Variants in KIF26B observed in about 807,000 individuals in gnomAD.
KIF26B encodes kinesin family member 26B.
A neutral mutation model predicts 151.2 loss-of-function variants in KIF26B; 63 were observed. That is an observed-to-expected ratio of 0.42 (90% CI 0.34 to 0.51). The LOEUF is 0.51. Among genes scored for constraint, KIF26B ranks in the 20% least tolerant of loss-of-function variants. KIF26B has a pLI of 0.07. For synonymous variants in KIF26B, 1,357 were observed against 1,262.1 expected, an observed-to-expected ratio of 1.08 and a Z score of -1.59; for missense variants, 2,813 against 2,913.6, an observed-to-expected ratio of 0.97 and a Z score of 0.79.
intron 9 of KIF26B, among the ~76,000 whole-genome samples, chr1:245,636,366 C>CT (rs2043834195): frequency 1.3e-5 from 2 of 149,446 alleles, no homozygotes; most frequent in African/African-American, 4.9e-5. Context: ...TTTTTTGACT[C>CT]TAACAACATT....
chr1:245,393,161 ACT>A (rs956556238), intron 3 of KIF26B, among the ~76,000 whole-genome samples: 2 of 152,016 alleles, frequency 1.3e-5, no homozygotes, highest in African/African-American at 2.4e-5. Context: ...ACAGAGTGAA[ACT>A]CTGTCTTAAA....
At chr1:245,296,443 C>T (rs1043168879) in intron 2 of KIF26B, among the ~76,000 whole-genome samples, 2 of 151,998 alleles carry the variant, frequency 1.3e-5, no homozygotes, top group Non-Finnish European at 2.9e-5. Flanking sequence ...GGGTCGTAAT[C>T]TGAGTGGGGA....
intron 2 of KIF26B, among the ~76,000 whole-genome samples, chr1:245,349,137 C>T (rs543797507): frequency 5.3e-5 from 8 of 152,000 alleles, no homozygotes; most frequent in East Asian, 1.9e-4. Flanking sequence ...AATAGGTGCT[C>T]GATAAATATT....
intron 8 of KIF26B, among the ~76,000 whole-genome samples, chr1:245,610,484 C>G (rs12087946): frequency 4.3e-4 from 65 of 152,314 alleles, no homozygotes; most frequent in African/African-American, 1.5e-3. Flanking sequence ...CCATGAGATG[C>G]TCATGCTGCC....
chr1:245,204,631 C>T (rs1669364626), intron 2 of KIF26B, among the ~76,000 whole-genome samples: 1 of 152,212 alleles, frequency 6.6e-6, no homozygotes, highest in South Asian at 2.1e-4. Flanking sequence ...GCCTTGGCCT[C>T]CTAAAGTGCT....
intron 2 of KIF26B, among the ~76,000 whole-genome samples, chr1:245,233,963 C>T (rs1670051228): frequency 6.6e-6 from 1 of 152,050 alleles, no homozygotes; most frequent in South Asian, 2.1e-4. Flanking sequence ...GGGCAGATCA[C>T]CTGAGGTCAG....
At chr1:245,354,625 C>G (rs551779622) in intron 2 of KIF26B, among the ~76,000 whole-genome samples, 1 of 152,362 alleles carries the variant, frequency 6.6e-6, no homozygotes, top group East Asian at 1.9e-4. Context: ...GTTTTCATAG[C>G]CAGGGGCACT....
intron 2 of KIF26B, among the ~76,000 whole-genome samples, chr1:245,165,682 G>GA (rs1358908448): frequency 6.6e-6 from 1 of 152,188 alleles, no homozygotes; most frequent in Non-Finnish European, 1.5e-5. Context: ...GACCAAGAAG[G>GA]AGGGACCAGA....
chr1:245,476,313 C>A (rs1385313155), intron 4 of KIF26B, among the ~76,000 whole-genome samples: 1 of 151,688 alleles, frequency 6.6e-6, no homozygotes, highest in Non-Finnish European at 1.5e-5. Context: ...TTCCGTGTTC[C>A]ATGATGATTA....
In KIF26B at chr1:245,705,767, T is replaced by C. The variant is rs766985209; in HGVS notation, c.*3161T>C. 2.0e-5 allele frequency: 3 copies of C among 152,218 alleles called. No individual in the cohort carries two copies. The highest frequency in any genetic ancestry group is 4.4e-5 in the Non-Finnish European group (3 of 68,044). The allele number at this position is 152,218 out of a possible 1,614,324, so 9.4% of individuals were successfully genotyped here. A position where few individuals can be genotyped will look rare whatever the true frequency, so the allele number is the denominator to read the frequency against. On this transcript the variant is annotated 3_prime_UTR_variant, in exon 15 of 15. Transcript: ENST00000407071. ...TCCCTGGGAGTCACTCCACGTCGCATTGCACGGTGGTGCTGAGGAGCGAGA... is the reference window on the plus strand; with the variant it reads ...TCCCTGGGAGTCACTCCACGTCGCACTGCACGGTGGTGCTGAGGAGCGAGA...
rs916353349 is a variant in KIF26B at position 245,275,978 on chromosome 1, G to T, written c.466-90856G>T. ...GCTTCTTGCATGCAAGGTTTATGCTGTGAAGTCCACTGATAGCCTTTTAGG... is the reference window on the plus strand; with the variant it reads ...GCTTCTTGCATGCAAGGTTTATGCTTTGAAGTCCACTGATAGCCTTTTAGG... On this transcript the variant is annotated intron_variant, in intron 2 of 14. Coordinates refer to ENST00000407071, the MANE Select transcript of KIF26B (RefSeq NM_018012.4). Among the ~76,000 whole-genome samples the T allele has an allele frequency of 3.9e-5, 6 of 152,270 alleles. 1 individual carries two copies. The East Asian group carries it at 9.7e-4, about 25-fold the overall frequency.
intron 4 of KIF26B, among the ~76,000 whole-genome samples, chr1:245,503,530 C>T (rs1660665821): frequency 6.6e-6 from 1 of 152,130 alleles, no homozygotes; most frequent in Non-Finnish European, 1.5e-5. Flanking sequence ...TGACTATTTG[C>T]AACAAAAGAG....
chr1:245,665,903 T>C (rs2044208430), intron 10 of KIF26B, among the ~76,000 whole-genome samples: 1 of 151,388 alleles, frequency 6.6e-6, no homozygotes, highest in Admixed American at 6.6e-5. Flanking sequence ...CAGGCTGGTC[T>C]CAAACTCCTG....
intron 9 of KIF26B, among the ~76,000 whole-genome samples, chr1:245,617,755 C>A (rs1771520): frequency 0.69 from 105,575 of 152,018 alleles, 36,841 homozygotes; most frequent in East Asian, 0.89. Flanking sequence ...CCATCACCGC[C>A]TCCGTTTCTA....
At chr1:245,520,284 GTGAGCATATCTGCTT>G (rs1159908856) in intron 4 of KIF26B, among the ~76,000 whole-genome samples, 1 of 152,154 alleles carries the variant, frequency 6.6e-6, no homozygotes, top group Non-Finnish European at 1.5e-5. Flanking sequence ...AGAGAACACA[GTGAGCATATCTGCTT>G]TGACTGGCAA....
At chr1:245,369,610 G>A (rs1304970478) in intron 3 of KIF26B, among the ~76,000 whole-genome samples, 1 of 152,202 alleles carries the variant, frequency 6.6e-6, no homozygotes, top group Non-Finnish European at 1.5e-5. Flanking sequence ...TCCTTTTACA[G>A]TTAAGGAATA....
intron 2 of KIF26B, among the ~76,000 whole-genome samples, chr1:245,339,570 G>A (rs755202836): frequency 6.6e-6 from 1 of 152,132 alleles, no homozygotes. Flanking sequence ...GTACTAAAAC[G>A]TGATTTGGAT....
intron 4 of KIF26B, among the ~76,000 whole-genome samples, chr1:245,481,548 A>G (rs1660168335): frequency 6.6e-6 from 1 of 151,882 alleles, no homozygotes; most frequent in Non-Finnish European, 1.5e-5. Flanking sequence ...GACTGCAGAG[A>G]GATGTAATGC....
In KIF26B at chr1:245,560,783, T is replaced by C. The variant is rs539770914; in HGVS notation, c.1350+19833T>C. The stretch of plus-strand genomic sequence containing the variant: ...GAAGACTCCCCTCCGCTCCTCGCAC[T>C]CTCATCACTGCCCCTCACTCTCTGT... On this transcript the variant is annotated intron_variant, in intron 5 of 14. Transcript: ENST00000407071. This position sits in a 1 kb window ranked among gnomAD's most constrained non-coding sequence, Gnocchi z 4.3. Among the ~76,000 whole-genome samples the C allele has an allele frequency of 3.7e-4, 57 of 152,270 alleles. No homozygotes were observed. Among genetic ancestry groups the C allele is most frequent in the Non-Finnish European group, 1.3e-4 (9 of 68,022 alleles).
Sources: gnomAD v4.1 joint callset for allele counts (sites outside exome capture counted in the v4.1 genomes callset) on GRCh38, gnomAD v4.1.1 for gene constraint, Gnocchi (gnomAD v3.1) non-coding constraint, MANE v1.5 for transcripts, NCBI Gene and HGNC (gene_info 2026-07-23, HGNC 2026-07-21) for gene names.